TRPM3: variants seen among roughly 807,000 people sequenced by gnomAD.
TRPM3 encodes the protein long transient receptor potential channel 3.
TRPM3 carries 77 observed loss-of-function variants against 181.2 expected under a neutral mutation model. The ratio of observed to expected loss-of-function variants is 0.42; its 90% CI spans 0.35 to 0.51. TRPM3 has a LOEUF of 0.51. TRPM3 is among the 20% of genes least tolerant of loss of function. The probability of loss-of-function intolerance (pLI) is 0.01; values close to 1 mark genes in which losing one functional copy is unlikely to be tolerated. For missense variants in TRPM3, 1,759 were observed against 2,196.7 expected (o/e 0.80, Z 3.98); for synonymous variants, 745 against 796.4 (o/e 0.94, Z 1.09).
chr9:71,088,679 C>T (rs1374973987), intron 1 of TRPM3, among the ~76,000 whole-genome samples: 1 of 151,956 alleles, frequency 6.6e-6, no homozygotes, highest in African/African-American at 2.4e-5. Context: ...AATGAGGTTT[C>T]CTCATTTTTA....
chr9:70,618,674 G>A (rs898156293), intron 17 of TRPM3, among the ~76,000 whole-genome samples, 193 bp downstream of exon 17: 4 of 151,884 alleles, frequency 2.6e-5, no homozygotes, highest in African/African-American at 9.7e-5. Flanking sequence ...GCAGGACCCA[G>A]GGGGAGGCCC....
chr9:70,582,428 T>C (rs1431470645), intron 22 of TRPM3, among the ~76,000 whole-genome samples: 4 of 152,220 alleles, frequency 2.6e-5, no homozygotes, highest in African/African-American at 9.6e-5. Flanking sequence ...GTTTAATTCA[T>C]GCATCAACTA....
At chr9:71,398,236 AG>A (rs1179038371) in intron 1 of TRPM3, among the ~76,000 whole-genome samples, 1 of 152,246 alleles carries the variant, frequency 6.6e-6, no homozygotes, top group African/African-American at 2.4e-5. Context: ...CAATGTTAAT[AG>A]AAAAAAGCTC....
chr9:70,749,742 AT>A (rs1255151282), intron 8 of TRPM3, among the ~76,000 whole-genome samples: 1 of 152,328 alleles, frequency 6.6e-6, no homozygotes, highest in South Asian at 2.1e-4. Flanking sequence ...AAGGCAACAA[AT>A]TGGTATAAAG....
chr9:71,013,465 GTT>G (rs556048485), intron 1 of TRPM3, among the ~76,000 whole-genome samples: 2 of 150,644 alleles, frequency 1.3e-5, no homozygotes, highest in Admixed American at 6.6e-5. Flanking sequence ...AAGCTTTTGG[GTT>G]TTTTTTTGTA....
At chr9:71,080,442 G>A (rs991022029) in intron 1 of TRPM3, among the ~76,000 whole-genome samples, 4 of 152,138 alleles carry the variant, frequency 2.6e-5, no homozygotes, top group Non-Finnish European at 4.4e-5. Flanking sequence ...CCCAAACTAA[G>A]AAGGGAAGCC....
At chr9:71,193,541 G>T (rs776757260) in intron 1 of TRPM3, among the ~76,000 whole-genome samples, 2 of 151,694 alleles carry the variant, frequency 1.3e-5, no homozygotes, top group Admixed American at 1.3e-4. Context: ...ACACTATCAT[G>T]CTGCTAACTC....
chr9:71,096,325 T>C (rs2067193705), intron 1 of TRPM3, among the ~76,000 whole-genome samples: 1 of 150,376 alleles, frequency 6.6e-6, no homozygotes, highest in South Asian at 2.1e-4. Context: ...TTGCTGAAAC[T>C]ACCCTTCTAG....
chr9:70,751,963 C>T (rs554555822), intron 8 of TRPM3, among the ~76,000 whole-genome samples: 37 of 148,852 alleles, frequency 2.5e-4, no homozygotes, highest in Non-Finnish European at 1.6e-4. Context: ...GAGAATGAAT[C>T]TTTAATTTCA....
intron 1 of TRPM3, among the ~76,000 whole-genome samples, chr9:71,239,642 A>T (rs1214770872): frequency 1.3e-5 from 2 of 152,194 alleles, no homozygotes; most frequent in African/African-American, 4.8e-5. Context: ...GTTTCATGTG[A>T]TGTAAACTCA....
At chr9:71,437,583 A>G (rs2094061209) in intron 1 of TRPM3, among the ~76,000 whole-genome samples, 1 of 152,040 alleles carries the variant, frequency 6.6e-6, no homozygotes, top group Admixed American at 6.6e-5. Flanking sequence ...CAAAACCTAA[A>G]ACACCAGCCG....
At chr9:71,186,490 T>C (rs1470451544) in intron 1 of TRPM3, among the ~76,000 whole-genome samples, 2 of 152,076 alleles carry the variant, frequency 1.3e-5, no homozygotes, top group African/African-American at 4.8e-5. Flanking sequence ...GCAAATTCTA[T>C]GTGTAGCTTA....
At chr9:71,227,523 A>G (rs2044051229) in intron 1 of TRPM3, among the ~76,000 whole-genome samples, 1 of 152,142 alleles carries the variant, frequency 6.6e-6, no homozygotes, top group Admixed American at 6.5e-5. Context: ...TGAAATGAAT[A>G]ATAAAAAGAG....
chr9:71,403,502 G>T (rs554011105), intron 1 of TRPM3, among the ~76,000 whole-genome samples: 47 of 152,228 alleles, frequency 3.1e-4, no homozygotes, highest in African/African-American at 1.1e-3. Flanking sequence ...ATTTTAAAAA[G>T]ATAATAATGA....
chr9:71,143,697 A>G (rs1198139445), intron 1 of TRPM3, among the ~76,000 whole-genome samples: 13 of 152,186 alleles, frequency 8.5e-5, no homozygotes, highest in Admixed American at 8.5e-4. Flanking sequence ...CCCTTTGGGT[A>G]TATACCCAGT....
intron 1 of TRPM3, among the ~76,000 whole-genome samples, chr9:71,185,872 T>A (rs974146840): frequency 3.9e-5 from 6 of 152,074 alleles, no homozygotes; most frequent in Non-Finnish European, 8.8e-5. Context: ...ATTCATCTCC[T>A]AGTACTGCAT....
chr9:70,856,517 T>A (rs529042845), intron 3 of TRPM3, among the ~76,000 whole-genome samples: 7 of 152,134 alleles, frequency 4.6e-5, no homozygotes, highest in African/African-American at 1.4e-4. Flanking sequence ...GTTTTTTAAA[T>A]CTCAAATTCA....
At chr9:70,897,793 C>T (rs1428089678) in intron 1 of TRPM3, among the ~76,000 whole-genome samples, 2 of 152,052 alleles carry the variant, frequency 1.3e-5, no homozygotes, top group African/African-American at 2.4e-5. Flanking sequence ...TACTTTTGCA[C>T]CAACCTAATA....
In TRPM3 at chr9:70,788,359, G is replaced by GTTTGTGTTGT. The variant is rs2084459035; in HGVS notation, c.974-4090_974-4081dup. 1.3e-5 allele frequency among the ~76,000 whole-genome samples: 2 copies of GTTTGTGTTGT among 152,014 alleles called. 1 individual carries two copies. The highest frequency in any genetic ancestry group is 4.1e-4 in the South Asian group (2 of 4,824). On this transcript the variant is annotated intron_variant, in intron 6 of 25. Coordinates refer to ENST00000677713, the MANE Select transcript of TRPM3 (RefSeq NM_001366145.2). The stretch of plus-strand genomic sequence containing the variant: ...ATTGATACATCTGCAAAGGGCATCT[G>GTTTGTGTTGT]TTTGTGTTGTTTTGTGAAACTCACT...
Sources: allele counts gnomAD v4.1 joint callset (sites outside exome capture counted in the v4.1 genomes callset), GRCh38; gene constraint gnomAD v4.1.1; transcripts MANE v1.5; gene names NCBI Gene and HGNC (gene_info 2026-07-23, HGNC 2026-07-21).